METTL9: variants seen among roughly 807,000 people sequenced by gnomAD.
METTL9 encodes the protein protein-L-histidine N-pros-methyltransferase.
In METTL9, 10 loss-of-function variants were observed where a neutral mutation model predicts 36.0. That is an observed-to-expected ratio of 0.28 (90% confidence interval 0.17 to 0.47). METTL9 has a LOEUF of 0.47. Ranked by LOEUF, METTL9 falls within the 20% of genes least tolerant of loss-of-function variation. The probability of loss-of-function intolerance (pLI) is 0.99; values close to 1 mark genes in which losing one functional copy is unlikely to be tolerated. For synonymous variants in METTL9, 175 were observed against 149.7 expected (o/e 1.17, Z -1.23); for missense variants, 246 against 383.5 (o/e 0.64, Z 3.00).
chr16:21,601,318 A>G lies in METTL9; in HGVS notation c.165+1420A>G, dbSNP rs1347657425. Among the ~76,000 whole-genome samples, 3 of 152,214 alleles carry G rather than the reference A, an allele frequency of 2.0e-5. No homozygotes were observed. The East Asian group carries it at 5.8e-4, about 29-fold the overall frequency. On this transcript the variant is annotated intron_variant, in intron 1 of 4. Transcript: ENST00000358154. ...CTGTACAGTTACCAGAATGTCACAT[A>G]TGGAACAATGGGGTAGACAATGAAT...
chr16:21,645,000 T>G (rs1488018070), intron 4 of METTL9, among the ~76,000 whole-genome samples: 1 of 152,228 alleles, frequency 6.6e-6, no homozygotes, highest in Non-Finnish European at 1.5e-5. Flanking sequence ...TTGAATCCAT[T>G]TTCACATTCG....
chr16:21,633,918 A>G (rs969080162), intron 4 of METTL9, among the ~76,000 whole-genome samples: 1 of 152,100 alleles, frequency 6.6e-6, no homozygotes, highest in Non-Finnish European at 1.5e-5. Flanking sequence ...TGTCCTTCCA[A>G]TGCCCAGACT....
intron 4 of METTL9, chr16:21,647,447 A>G: frequency 6.2e-7 from 1 of 1,614,056 alleles, no homozygotes; most frequent in Non-Finnish European, 8.5e-7. Context: ...GTCCACTTCT[A>G]GGTACCACGG....
At chr16:21,648,685 T>A (rs1211190738) in intron 4 of METTL9, among the ~76,000 whole-genome samples, 1 of 152,236 alleles carries the variant, frequency 6.6e-6, no homozygotes, top group Non-Finnish European at 1.5e-5. Flanking sequence ...TAAACCCTTC[T>A]TTTGCGGCAG....
intron 4 of METTL9, among the ~76,000 whole-genome samples, chr16:21,629,738 A>T (rs1053934817): frequency 2.0e-5 from 3 of 152,198 alleles, no homozygotes; most frequent in African/African-American, 7.2e-5. Context: ...GGGACCCAGC[A>T]GGTTGGTGCT....
chr16:21,599,375 G>A (rs1373859855), upstream of METTL9: 16 of 1,050,760 alleles, frequency 1.5e-5, no homozygotes, highest in Non-Finnish European at 1.8e-5. This position sits in a 1 kb window ranked among gnomAD's most constrained non-coding sequence, Gnocchi z 4.4. Flanking sequence ...GCAGGGCCGG[G>A]ACACGAGAAC....
chr16:21,617,955 T>A lies in METTL9; in HGVS notation c.447T>A (p.Leu149=). ...ATCCAGACTGGAAAACCCACAGACTTCTTGATTTAGGTGCTGGAGATGGAG... is the reference window on the plus strand; with the variant it reads ...ATCCAGACTGGAAAACCCACAGACTACTTGATTTAGGTGCTGGAGATGGAG... The part of the protein sequence containing the change: ...KINPDWKTHR[L]LDLGAGDGEV... Residue 149 remains leucine (L), a synonymous_variant, in exon 3 of 5, where the codon CTT becomes CTA. Coordinates refer to ENST00000358154, the MANE Select transcript of METTL9 (RefSeq NM_016025.5). 6.2e-7 allele frequency: 1 copy of A among 1,614,004 alleles called. No individual in the cohort carries two copies. The highest frequency in any genetic ancestry group is 2.2e-5 in the East Asian group (1 of 44,864).
In METTL9 at chr16:21,629,784, G is replaced by C. The variant is rs190271279; in HGVS notation, c.751+4669G>C. Among the ~76,000 whole-genome samples, 20 of 152,250 alleles carry C rather than the reference G, an allele frequency of 1.3e-4. No individual in the cohort carries two copies. The East Asian group carries it at 3.7e-3, about 28-fold the overall frequency. The stretch of plus-strand genomic sequence containing the variant: ...GTGGCCTGCTTTTATTCCCTTATCT[G>C]GCCCCACCCACAGCCTGCTGATTGG... On this transcript the variant is annotated intron_variant, in intron 4 of 4. Coordinates refer to ENST00000358154, the MANE Select transcript of METTL9 (RefSeq NM_016025.5).
At chr16:21,643,625 G>C (rs1233649959) in intron 4 of METTL9, 1 of 1,534,660 alleles carries the variant, frequency 6.5e-7, no homozygotes, top group Non-Finnish European at 9.0e-7. Context: ...GAAAGTCTAT[G>C]AAACATTTTA....
At chr16:21,640,272 G>T (rs778857819) in intron 4 of METTL9, 4 of 152,000 alleles carry the variant, frequency 2.6e-5, no homozygotes, top group Non-Finnish European at 4.4e-5. Flanking sequence ...AACATAGTAG[G>T]TTGTAAGGTT....
intron 1 of METTL9, among the ~76,000 whole-genome samples, chr16:21,601,209 T>C (rs2152892034): frequency 6.6e-6 from 1 of 152,292 alleles, no homozygotes; most frequent in South Asian, 2.1e-4. Context: ...AAACTTAAAT[T>C]GCAAAACCAC....
intron 1 of METTL9, among the ~76,000 whole-genome samples, chr16:21,603,444 C>T (rs898451847): frequency 6.6e-6 from 1 of 152,138 alleles, no homozygotes; most frequent in African/African-American, 2.4e-5. Flanking sequence ...CAGCCTCCAA[C>T]AGCATATTCT....
At chr16:21,649,279 C>G (rs2141622277) in intron 4 of METTL9, among the ~76,000 whole-genome samples, 1 of 152,294 alleles carries the variant, frequency 6.6e-6, no homozygotes, top group East Asian at 1.9e-4. Flanking sequence ...AGGTGTGAGC[C>G]ACTGCGCCTT....
At chr16:21,640,315 T>C (rs899837312) in intron 4 of METTL9, 2 of 152,114 alleles carry the variant, frequency 1.3e-5, no homozygotes, top group African/African-American at 2.4e-5. Flanking sequence ...TGCATACTTA[T>C]GGGCACTTTA....
intron 1 of METTL9, among the ~76,000 whole-genome samples, chr16:21,606,639 C>G (rs1226686359): frequency 6.6e-6 from 1 of 152,132 alleles, no homozygotes; most frequent in African/African-American, 2.4e-5. Context: ...ATACCCACAT[C>G]CTGGTCCCCA....
In METTL9 at chr16:21,625,044, G is replaced by A. The variant is rs200195338; in HGVS notation, c.680G>A (p.Ser227Asn). 73 of 1,614,080 alleles carry A rather than the reference G, an allele frequency of 4.5e-5. No homozygotes were observed. The highest frequency in any genetic ancestry group is 5.7e-5 in the Non-Finnish European group (67 of 1,180,046). The change falls in exon 4 of 5, where the codon AGT (serine) becomes AAT (asparagine). Residue 227 changes from serine (S) to asparagine (N), a missense_variant. Ser to Asn is a conservative substitution (Grantham distance 46). Transcript: ENST00000358154. ...CTGACTTTGTTAAAAGATATCAGAA[G>A]TGTCTTGGAGCCAACTAGAGGCAGG... ...QPLTLLKDIR[S>N]VLEPTRGRVI...
intron 1 of METTL9, among the ~76,000 whole-genome samples, chr16:21,603,592 C>T (rs1965196025): frequency 6.6e-6 from 1 of 151,978 alleles, no homozygotes; most frequent in African/African-American, 2.4e-5. Flanking sequence ...AACTTAGGAT[C>T]TATTCTTTTT....
chr16:21,624,843 A>T lies in METTL9; in HGVS notation c.567-88A>T. On this transcript the variant is annotated intron_variant, in intron 3 of 4. Coordinates refer to ENST00000358154, the MANE Select transcript of METTL9 (RefSeq NM_016025.5). ...ATTTTGAACTTAATTTAGAAGACAAAGTTAAAGCCTTTATTGTCATCTCAG... is the reference window on the plus strand; with the variant it reads ...ATTTTGAACTTAATTTAGAAGACAATGTTAAAGCCTTTATTGTCATCTCAG... 3 of 1,161,970 alleles carry T rather than the reference A, an allele frequency of 2.6e-6. No homozygotes were observed. In the Admixed American group the frequency reaches 6.2e-5, roughly 24 times the overall value. The allele number at this position is 1,161,970 out of a possible 1,614,324, so 72.0% of individuals were successfully genotyped here.
chr16:21,643,650 T>A (rs764108670), intron 4 of METTL9: 1 of 1,199,140 alleles, frequency 8.3e-7, no homozygotes, highest in Non-Finnish European at 1.2e-6. Flanking sequence ...CTCATAACAA[T>A]GGTGGCAGAT....
Sources: gnomAD v4.1 joint callset for allele counts (sites outside exome capture counted in the v4.1 genomes callset) on GRCh38, gnomAD v4.1.1 for gene constraint, Gnocchi (gnomAD v3.1) non-coding constraint, MANE v1.5 for transcripts, NCBI Gene and HGNC (gene_info 2026-07-23, HGNC 2026-07-21) for gene names.